Variants in MKLN1 observed in about 807,000 individuals in gnomAD.
The protein encoded by MKLN1 is muskelin 1.
Under a neutral mutation model 99.0 loss-of-function variants are expected in MKLN1, and 18 were observed. The ratio of observed to expected loss-of-function variants is 0.18; its 90% CI spans 0.13 to 0.27. The LOEUF (loss-of-function observed/expected upper bound fraction) is 0.27, where lower values mean the gene tolerates loss of function less well. Among genes scored for constraint, MKLN1 ranks in the 10% least tolerant of loss-of-function variants. MKLN1 has a pLI of 1.00. For synonymous variants in MKLN1, 288 were observed against 293.2 expected, an observed-to-expected ratio of 0.98 and a Z score of 0.18; for missense variants, 621 against 875.9, an observed-to-expected ratio of 0.71 and a Z score of 3.67.
intron 16 of MKLN1, among the ~76,000 whole-genome samples, chr7:131,478,272 C>G (rs961919794): frequency 6.6e-6 from 1 of 152,108 alleles, no homozygotes; most frequent in African/African-American, 2.4e-5. Flanking sequence ...GTAACGGGAC[C>G]CAGGGCACCA....
intron 1 of MKLN1, among the ~76,000 whole-genome samples, chr7:131,141,488 G>GA (rs1366403482): frequency 2.0e-5 from 3 of 152,172 alleles, no homozygotes; most frequent in African/African-American, 7.2e-5. Flanking sequence ...ACCTCCTCGA[G>GA]AATGTGGCTT....
chr7:131,202,832 C>T (rs1195638087), intron 2 of MKLN1: 1 of 152,132 alleles, frequency 6.6e-6, no homozygotes. Context: ...TGCTCTACCA[C>T]CTCTTCCCCA....
At chr7:131,484,659 G>A (rs1797223777) in intron 17 of MKLN1, among the ~76,000 whole-genome samples, 1 of 152,042 alleles carries the variant, frequency 6.6e-6, no homozygotes, top group Non-Finnish European at 1.5e-5. Flanking sequence ...ACACAGCATT[G>A]TACTTCTACA....
At chr7:131,226,838 T>C (rs985043726) in intron 3 of MKLN1, among the ~76,000 whole-genome samples, 2 of 152,186 alleles carry the variant, frequency 1.3e-5, no homozygotes, top group South Asian at 2.1e-4. Context: ...TTTTTGGAAG[T>C]AAGTGGGCCA....
chr7:131,375,608 G>T, intron 2 of MKLN1, 115 bp downstream of exon 2: 1 of 643,982 alleles, frequency 1.6e-6, no homozygotes, highest in Non-Finnish European at 2.6e-6. Flanking sequence ...GAGATTGTGA[G>T]GTAAATTTTT....
intron 3 of MKLN1, among the ~76,000 whole-genome samples, chr7:131,230,493 G>A (rs983297647): frequency 6.6e-6 from 1 of 152,170 alleles, no homozygotes; most frequent in Non-Finnish European, 1.5e-5. Context: ...CCCTTGTAGG[G>A]GCCAAAGCAC....
At chr7:131,479,850 TTAAA>T (rs113026848) in intron 17 of MKLN1, among the ~76,000 whole-genome samples, 124,282 of 142,998 alleles carry the variant, frequency 0.87, 54,129 homozygotes, top group East Asian at 0.98. Context: ...AATAATAAAT[TTAAA>T]TAAATAAATA....
intron 3 of MKLN1, among the ~76,000 whole-genome samples, chr7:131,227,032 A>G (rs891737420): frequency 2.0e-5 from 3 of 152,220 alleles, no homozygotes; most frequent in African/African-American, 7.2e-5. Flanking sequence ...TTTCATGCTC[A>G]GACTTTTCTT....
At chr7:131,430,724 A>G (rs1012264649) in intron 9 of MKLN1, among the ~76,000 whole-genome samples, 1 of 152,024 alleles carries the variant, frequency 6.6e-6, no homozygotes, top group African/African-American at 2.4e-5. Context: ...CGCTTTTTAT[A>G]TCTCCATTGT....
intron 1 of MKLN1, among the ~76,000 whole-genome samples, chr7:131,336,643 G>T (rs1348081852): frequency 6.6e-6 from 1 of 151,952 alleles, no homozygotes; most frequent in Non-Finnish European, 1.5e-5. Context: ...GCTTTCTTGT[G>T]GTACATTAGA....
At chr7:131,270,138 G>T (rs1334567085) in intron 3 of MKLN1, among the ~76,000 whole-genome samples, 1 of 151,664 alleles carries the variant, frequency 6.6e-6, no homozygotes, top group Non-Finnish European at 1.5e-5. Flanking sequence ...TAGCCAGGAT[G>T]GTCTCGATCT....
chr7:131,417,057 T>C (rs886133399), intron 8 of MKLN1, among the ~76,000 whole-genome samples: 14 of 150,872 alleles, frequency 9.3e-5, no homozygotes, highest in Non-Finnish European at 1.5e-5. Context: ...TTAGAAATTA[T>C]AAGAAAGCGT....
At chr7:131,229,651 G>A (rs1393095289) in intron 3 of MKLN1, among the ~76,000 whole-genome samples, 1 of 152,074 alleles carries the variant, frequency 6.6e-6, no homozygotes, top group African/African-American at 2.4e-5. Flanking sequence ...AACCTCCTGG[G>A]CTCAGGTGAT....
At chr7:131,478,592 C>CTGCT in intron 16 of MKLN1, 31 bp from the exon 17 acceptor site, 2 of 1,138,308 alleles carry the variant, frequency 1.8e-6, no homozygotes, top group Admixed American at 3.1e-5. Flanking sequence ...TAATTTGCTG[C>CTGCT]TTCTTTTTTT....
intron 1 of MKLN1, among the ~76,000 whole-genome samples, chr7:131,139,863 T>G (rs77942635): frequency 0.01 from 1,534 of 152,110 alleles, 14 homozygotes; most frequent in Non-Finnish European, 0.015. Flanking sequence ...CCAGTACTGG[T>G]TTTTGGGCTA....
At chr7:131,454,089 CATT>C (rs60569369) in intron 12 of MKLN1, among the ~76,000 whole-genome samples, 4,532 of 143,486 alleles carry the variant, frequency 0.032, 218 homozygotes, top group African/African-American at 0.11. Flanking sequence ...AGTACTTTAT[CATT>C]ATCTGTTAAA....
intron 17 of MKLN1, among the ~76,000 whole-genome samples, chr7:131,485,082 A>G (rs189747012): frequency 5.9e-5 from 9 of 152,238 alleles, no homozygotes; most frequent in Admixed American, 3.9e-4. Context: ...AGTCACAGCT[A>G]AAAGAAAGTA....
At chr7:131,136,657 G>T (rs1795653186) in intron 1 of MKLN1, among the ~76,000 whole-genome samples, 1 of 152,138 alleles carries the variant, frequency 6.6e-6, no homozygotes, top group African/African-American at 2.4e-5. Context: ...GATGTCCAGG[G>T]CCCAGACTGT....
intron 1 of MKLN1, among the ~76,000 whole-genome samples, chr7:131,338,087 G>C (rs1166039810): frequency 6.6e-6 from 1 of 152,126 alleles, no homozygotes; most frequent in Non-Finnish European, 1.5e-5. Context: ...TAAGAGATTG[G>C]GTATTTTTAG....
Sources: gnomAD v4.1 joint callset for allele counts (sites outside exome capture counted in the v4.1 genomes callset) on GRCh38, gnomAD v4.1.1 for gene constraint, MANE v1.5 for transcripts, NCBI Gene and HGNC (gene_info 2026-07-23, HGNC 2026-07-21) for gene names.